The following SHD variants were observed in gnomAD, a reference collection of about 807,000 sequenced individuals.
SHD encodes Src homology 2 domain containing transforming protein D.
SHD carries 29 observed loss-of-function variants against 31.2 expected under a neutral mutation model. That is an observed-to-expected ratio of 0.93 (90% CI 0.69 to 1.27). The LOEUF is 1.27. SHD is among the 50% of genes most tolerant of loss of function. The pLI is 0.00. For synonymous variants in SHD, 208 were observed against 187.8 expected (o/e 1.11, Z -0.88); for missense variants, 520 against 453.8 (o/e 1.15, Z -1.33).
chr19:4,284,676 C>T, intron 3 of SHD, 105 bp from the exon 4 acceptor site: 2 of 1,333,576 alleles, frequency 1.5e-6, no homozygotes, highest in Non-Finnish European at 2.0e-6. Flanking sequence ...GATAGGTTGT[C>T]CCAAGCTGGC....
intron 3 of SHD, 46 bp downstream of exon 3, chr19:4,283,288 C>T: frequency 6.4e-7 from 1 of 1,560,608 alleles, no homozygotes; most frequent in Non-Finnish European, 8.8e-7. Flanking sequence ...CCCATCCCTG[C>T]ATTTCCTCAT....
chr19:4,281,618 C>T (rs1163967058), intron 1 of SHD, among the ~76,000 whole-genome samples: 3 of 151,330 alleles, frequency 2.0e-5, no homozygotes, highest in Admixed American at 1.3e-4. Flanking sequence ...ATTAACCAGG[C>T]GATGTGGCGT....
Position 4,288,246 on chromosome 19 carries a change from G to C in SHD, c.720G>C (p.Trp240Cys), listed in dbSNP as rs776134838. The C allele has an allele frequency of 3.1e-6, 5 of 1,613,362 alleles. No individual in the cohort carries two copies. Among genetic ancestry groups the C allele is most frequent in the Non-Finnish European group, 3.4e-6 (4 of 1,179,684 alleles). The change falls in exon 5 of 6, where the codon TGG becomes TGC. Residue 240 changes from tryptophan to cysteine, a missense_variant. Trp to Cys is a radical substitution (Grantham distance 215). Coordinates refer to ENST00000543264, the MANE Select transcript of SHD (RefSeq NM_020209.4). ...DPALPLEKQP[W>C]FHGPLNRADA... is the part of the protein sequence containing the mutation. ...GACATCTGTCCATACTCGCTAGGTGGTTTCATGGCCCCCTGAACAGGGCGG... is the reference window on the plus strand; with the variant it reads ...GACATCTGTCCATACTCGCTAGGTGCTTTCATGGCCCCCTGAACAGGGCGG...
At position 4,290,490 on chromosome 19, in the gene SHD, G is replaced by A. The variant is rs748921595; in HGVS notation, c.880G>A (p.Glu294Lys). ...GCATCTGAAGTTCGCGCGGACCCGT[G>A]AGAACCAGGTGGTGCTGGGCCAACA... ...FLHLKFARTR[E>K]NQVVLGQHSG... The change falls in exon 6 of 6, where the codon GAG (glutamate) becomes AAG (lysine). Residue 294 changes from glutamate (E) to lysine (K), a missense_variant. Physicochemically the swap from Glu to Lys is moderately conservative, Grantham distance 56. Coordinates refer to ENST00000543264, the MANE Select transcript of SHD (RefSeq NM_020209.4). 1 of 1,613,374 alleles carries A rather than the reference G, an allele frequency of 6.2e-7. No individual in the cohort carries two copies. The highest frequency in any genetic ancestry group is 8.5e-7 in the Non-Finnish European group (1 of 1,179,972).
At chr19:4,280,467 G>A in intron 1 of SHD, 107 bp downstream of exon 1, 3 of 1,252,774 alleles carry the variant, frequency 2.4e-6, no homozygotes, top group Non-Finnish European at 3.2e-6. Flanking sequence ...GGGGACTGGG[G>A]CACCAGACAG....
intron 5 of SHD, 121 bp from the exon 6 acceptor site, chr19:4,290,326 T>G (rs533332280): frequency 9.5e-7 from 1 of 1,049,370 alleles, no homozygotes; most frequent in African/African-American, 1.6e-5. Flanking sequence ...ACACTGCTGT[T>G]TACCAGAGAC....
chr19:4,280,348 C>T lies in SHD; in HGVS notation c.285C>T (p.Gly95=). The change falls in exon 1 of 6, where the codon GGC becomes GGT. Residue 95 remains glycine, a synonymous_variant. Transcript: ENST00000543264. ...CCAGAGCCAAGGCCCTTCTGGGCGG[C>T]CCCGGGGAGGAGGTGCGTGGCTGGG... is the stretch of plus-strand genomic sequence containing the variant. ...DMARAKALLG[G]PGEELEADTE... is the part of the protein sequence containing the mutation. 1 of 1,570,806 alleles carries T rather than the reference C, an allele frequency of 6.4e-7. No homozygotes were observed. Among genetic ancestry groups the T allele is most frequent in the South Asian group, 1.2e-5 (1 of 86,358 alleles).
chr19:4,290,348 G>C, intron 5 of SHD, 99 bp from the exon 6 acceptor site: 2 of 1,309,924 alleles, frequency 1.5e-6, no homozygotes, highest in Non-Finnish European at 2.1e-6. Flanking sequence ...GGAGACACAC[G>C]AGCACCTGGC....
At chr19:4,289,189 C>A (rs1406509955) in intron 5 of SHD, among the ~76,000 whole-genome samples, 11 of 144,464 alleles carry the variant, frequency 7.6e-5, no homozygotes, top group Non-Finnish European at 1.5e-4. Context: ...CGGCTCACTG[C>A]AAGCTCTGCC....
chr19:4,285,932 C>G (rs1340864980), intron 4 of SHD, among the ~76,000 whole-genome samples: 1 of 134,536 alleles, frequency 7.4e-6, no homozygotes, highest in Non-Finnish European at 1.5e-5. Flanking sequence ...GCTCTTGTCG[C>G]CCAGGCTGGA....
rs746942162 is a variant in SHD at position 4,290,644 on chromosome 19, C to G, written c.*11C>G. ...ACGCAGACCCCCTGACAGTGACCCT[C>G]GGCCCCCTTTTGAGTCCTCGGGCCC... On this transcript the variant is annotated 3_prime_UTR_variant, in exon 6 of 6. Coordinates refer to ENST00000543264, the MANE Select transcript of SHD (RefSeq NM_020209.4). The G allele has an allele frequency of 5.1e-6, 8 of 1,579,436 alleles. No homozygotes were observed. Among genetic ancestry groups the G allele is most frequent in the Non-Finnish European group, 6.9e-6 (8 of 1,159,716 alleles).
chr19:4,290,600 T>C lies in SHD; in HGVS notation c.990T>C (p.Ala330=). The stretch of plus-strand genomic sequence containing the variant: ...CGGTGCAGGGTGCCGAGCATCTGGC[T>C]CTGCTGTACCCCGTGGTCACGCAGA... ...PLPVQGAEHL[A]LLYPVVTQTP is the part of the protein sequence containing the mutation. Residue 330 remains alanine, a synonymous_variant, in exon 6 of 6, where the codon GCT becomes GCC. Transcript: ENST00000543264. The C allele has an allele frequency of 1.2e-6, 2 of 1,613,002 alleles. No homozygotes were observed. The highest frequency in any genetic ancestry group is 1.1e-5 in the South Asian group (1 of 91,004).
At chr19:4,286,207 TTTC>T (rs1971308854) in intron 4 of SHD, among the ~76,000 whole-genome samples, 2 of 89,546 alleles carry the variant, frequency 2.2e-5, no homozygotes, top group African/African-American at 5.2e-5. Flanking sequence ...TTTCTTTTTC[TTTC>T]TTTCTTTCTT....
chr19:4,281,173 A>T (rs1007483135), intron 1 of SHD, among the ~76,000 whole-genome samples: 1 of 151,882 alleles, frequency 6.6e-6, no homozygotes, highest in African/African-American at 2.4e-5. Context: ...CACCGGGTGC[A>T]GTAGCTCATG....
chr19:4,284,786 T>A lies in SHD; in HGVS notation c.598T>A (p.Phe200Ile). 6.2e-7 allele frequency: 1 copy of A among 1,601,782 alleles called. No homozygotes were observed. Among genetic ancestry groups the A allele is most frequent in the Non-Finnish European group, 8.5e-7 (1 of 1,172,928 alleles). The change falls in exon 4 of 6, where the codon TTT (phenylalanine) becomes ATT (isoleucine). Residue 200 changes from phenylalanine to isoleucine, a missense_variant. Physicochemically the swap from Phe to Ile is conservative, Grantham distance 21. Transcript: ENST00000543264. The part of the protein sequence containing the change: ...DHISRAFAVQ[F>I]DSPEWERTPG... ...TCTCTAAATCTCCTTTCCAGTGCAG[T>A]TTGACAGTCCAGAGTGGGAGAGGAC... is the stretch of plus-strand genomic sequence containing the variant.
At chr19:4,290,204 G>A (rs751832765) in intron 5 of SHD, among the ~76,000 whole-genome samples, 1 of 152,122 alleles carries the variant, frequency 6.6e-6, no homozygotes, top group Non-Finnish European at 1.5e-5. Context: ...GGTGGAGACG[G>A]GGTCTCACTC....
chr19:4,287,344 AG>A (rs1240708977), intron 4 of SHD, among the ~76,000 whole-genome samples: 1 of 151,144 alleles, frequency 6.6e-6, no homozygotes, highest in Non-Finnish European at 1.5e-5. Flanking sequence ...AAAAAAAGAA[AG>A]AAAAAGAAAA....
intron 1 of SHD, among the ~76,000 whole-genome samples, chr19:4,280,907 C>G (rs1030735491): frequency 6.6e-6 from 1 of 151,972 alleles, no homozygotes; most frequent in African/African-American, 2.4e-5. Context: ...GGGTCCTCCT[C>G]CTCCTCCATG....
intron 5 of SHD, among the ~76,000 whole-genome samples, chr19:4,289,472 C>T (rs914277154): frequency 6.6e-6 from 1 of 151,802 alleles, no homozygotes; most frequent in Non-Finnish European, 1.5e-5. Context: ...TCTCAAACTC[C>T]TGGCCTCAAG....
Sources: gnomAD v4.1 joint callset for allele counts (sites outside exome capture counted in the v4.1 genomes callset) on GRCh38, gnomAD v4.1.1 for gene constraint, MANE v1.5 for transcripts, NCBI Gene and HGNC (gene_info 2026-07-23, HGNC 2026-07-21) for gene names.